LOXL2: variants seen among roughly 807,000 people sequenced by gnomAD.
LOXL2 encodes lysyl oxidase homolog 2.
In LOXL2, 70 loss-of-function variants were observed where a neutral mutation model predicts 93.0. The ratio of observed to expected loss-of-function variants is 0.75; its 90% CI spans 0.62 to 0.92. The LOEUF (loss-of-function observed/expected upper bound fraction) is 0.92. Ranked by LOEUF, LOXL2 falls within the 40% of genes least tolerant of loss-of-function variation. The probability of loss-of-function intolerance (pLI) is 0.00; values close to 1 mark genes in which losing one functional copy is unlikely to be tolerated. For missense variants in LOXL2, 973 were observed against 1,054.9 expected, an observed-to-expected ratio of 0.92 and a Z score of 1.08; for synonymous variants, 438 against 413.2, an observed-to-expected ratio of 1.06 and a Z score of -0.73.
intron 6 of LOXL2, among the ~76,000 whole-genome samples, chr8:23,324,189 C>T (rs544381683): frequency 7.9e-5 from 12 of 152,370 alleles, no homozygotes; most frequent in African/African-American, 2.6e-4. Context: ...TAGCATGCTT[C>T]AGACTCAACT....
intron 6 of LOXL2, among the ~76,000 whole-genome samples, chr8:23,327,485 T>C (rs1463491554): frequency 2.0e-5 from 3 of 152,156 alleles, no homozygotes; most frequent in Non-Finnish European, 4.4e-5. Context: ...CGCTTGTCTG[T>C]AGCCTATTCT....
chr8:23,363,420 C>T lies in LOXL2; in HGVS notation c.356-3155G>A, dbSNP rs558015423. 3.3e-5 allele frequency: 5 copies of T among 152,280 alleles called. No homozygotes were observed. In the South Asian group the frequency reaches 1.0e-3, roughly 32 times the overall value. The allele number at this position is 152,280 out of a possible 1,614,324, so 9.4% of individuals were successfully genotyped here. The stretch of plus-strand genomic sequence containing the variant: ...TGGCTTCTCATTTTGGCCCGGTTTC[C>T]AAGCAGTCAAGCTCCACTGAAACAT... On this transcript the variant is annotated intron_variant, in intron 2 of 13. Transcript: ENST00000389131.
intron 3 of LOXL2, among the ~76,000 whole-genome samples, chr8:23,358,336 C>T (rs1340265905): frequency 6.6e-6 from 1 of 152,216 alleles, no homozygotes; most frequent in Admixed American, 6.5e-5. Flanking sequence ...CAGGGTTGGG[C>T]AAATTCCCAG....
chr8:23,333,489 T>C lies in LOXL2; in HGVS notation c.878A>G (p.Asn293Ser). ...ACAACTCACCACGGCCGGTAGCCCA[T>C]TCTCGCAGGTGACATTCTTCATGGG... The part of the protein sequence containing the change: ...LDPMKNVTCE[N>S]GLPAVVSCVP... Residue 293 changes from asparagine (N) to serine (S), a missense_variant, in exon 5 of 14, where the codon AAT (asparagine) becomes AGT (serine). Transcript: ENST00000389131. 6.2e-7 allele frequency: 1 copy of C among 1,613,996 alleles called. No individual in the cohort carries two copies. Among genetic ancestry groups the C allele is most frequent in the Non-Finnish European group, 8.5e-7 (1 of 1,180,028 alleles).
At chr8:23,359,193 T>C (rs895998520) in intron 3 of LOXL2, among the ~76,000 whole-genome samples, 1 of 152,100 alleles carries the variant, frequency 6.6e-6, no homozygotes, top group African/African-American at 2.4e-5. Flanking sequence ...CTCAGCTACA[T>C]TGGCCAGTGG....
intron 1 of LOXL2, among the ~76,000 whole-genome samples, chr8:23,385,244 C>CTTTTTTTT (rs67050683): frequency 7.5e-6 from 1 of 132,782 alleles, no homozygotes. Context: ...GATTTTTTTT[C>CTTTTTTTT]TTTTTTTTTT....
chr8:23,301,034 C>A (rs1803121942), intron 12 of LOXL2, among the ~76,000 whole-genome samples: 1 of 152,216 alleles, frequency 6.6e-6, no homozygotes, highest in Non-Finnish European at 1.5e-5. Flanking sequence ...CTCTGAAAGC[C>A]CCTCTGTGGT....
rs74991438 is a variant in LOXL2, at chr8:23,305,306, T to G, written c.1881-1909A>C. Among the ~76,000 whole-genome samples, 508 of 152,370 alleles carry G rather than the reference T, an allele frequency of 3.3e-3. 3 individuals carry two copies. Among genetic ancestry groups the G allele is most frequent in the African/African-American group, 0.012 (494 of 41,592 alleles). On this transcript the variant is annotated intron_variant, in intron 10 of 13. Transcript: ENST00000389131. Reference sequence around the variant, plus strand: ...GATGACCCCGTCCCACTGCTGGGCTTCCTGCAGACTTGATTTAAATCTTCC... The same window carrying G: ...GATGACCCCGTCCCACTGCTGGGCTGCCTGCAGACTTGATTTAAATCTTCC...
intron 3 of LOXL2, among the ~76,000 whole-genome samples, chr8:23,350,502 G>T (rs59975747): frequency 2.6e-5 from 4 of 151,760 alleles, no homozygotes; most frequent in Admixed American, 1.3e-4. Context: ...CCCAGGAGGC[G>T]GAGGTTGCAG....
intron 3 of LOXL2, among the ~76,000 whole-genome samples, chr8:23,342,532 C>T (rs1441865298): frequency 6.6e-6 from 1 of 150,904 alleles, no homozygotes; most frequent in Non-Finnish European, 1.5e-5. Context: ...CCCGGGTTCA[C>T]GCCATTCTCC....
At chr8:23,399,073 T>G (rs1285120195) in intron 1 of LOXL2, among the ~76,000 whole-genome samples, 1 of 152,230 alleles carries the variant, frequency 6.6e-6, no homozygotes, top group Non-Finnish European at 1.5e-5. Context: ...TTGCTCTGGT[T>G]GCATCTCTGT....
intron 1 of LOXL2, among the ~76,000 whole-genome samples, chr8:23,373,348 C>T (rs1804532353): frequency 6.6e-6 from 1 of 152,118 alleles, no homozygotes; most frequent in South Asian, 2.1e-4. Context: ...TCCTCTTCTA[C>T]ACTGCCTGGC....
chr8:23,366,423 T>C (rs1475155972), intron 2 of LOXL2, among the ~76,000 whole-genome samples: 1 of 152,202 alleles, frequency 6.6e-6, no homozygotes, highest in Non-Finnish European at 1.5e-5. Context: ...GAGATGTGTA[T>C]GAGATGGGAC....
Position 23,309,825 on chromosome 8 carries a change from T to C in LOXL2, c.1723A>G (p.Met575Val). ...GAGGCCGAGAGGCAGTTCTCCTCCA[T>C]GGCACACTGCAGCATGAACATGGGC... ...DRPMFMLQCA[M>V]EENCLSASAA... The change falls in exon 10 of 14, where the codon ATG becomes GTG. Residue 575 changes from methionine to valine, a missense_variant. Met to Val is a conservative substitution (Grantham distance 21). Coordinates refer to ENST00000389131, the MANE Select transcript of LOXL2 (RefSeq NM_002318.3). 3 of 1,602,548 alleles carry C rather than the reference T, an allele frequency of 1.9e-6. No homozygotes were observed. Among genetic ancestry groups the C allele is most frequent in the South Asian group, 1.1e-5 (1 of 88,882 alleles).
intron 3 of LOXL2, among the ~76,000 whole-genome samples, chr8:23,351,765 C>T (rs186669412): frequency 5.3e-5 from 8 of 152,242 alleles, no homozygotes; most frequent in African/African-American, 1.7e-4. Context: ...TTGTGTGTCC[C>T]TTTTGGTAGC....
At chr8:23,383,490 T>C (rs903276867) in intron 1 of LOXL2, among the ~76,000 whole-genome samples, 1 of 152,092 alleles carries the variant, frequency 6.6e-6, no homozygotes, top group African/African-American at 2.4e-5. Flanking sequence ...TAAATATAAA[T>C]TTCTATTCCA....
chr8:23,368,553 A>C, intron 1 of LOXL2, 119 bp from the exon 2 acceptor site: 1 of 594,148 alleles, frequency 1.7e-6, no homozygotes, highest in East Asian at 2.8e-5. Context: ...CTCGACGCCA[A>C]TCCAGCCCCA....
chr8:23,397,610 C>T (rs752058328), intron 1 of LOXL2, among the ~76,000 whole-genome samples: 9 of 151,998 alleles, frequency 5.9e-5, no homozygotes, highest in Non-Finnish European at 1.2e-4. Context: ...AACCCTGTAT[C>T]TACTAAAAAT....
intron 3 of LOXL2, among the ~76,000 whole-genome samples, chr8:23,347,525 C>A (rs1286607514): frequency 6.6e-6 from 1 of 152,068 alleles, no homozygotes; most frequent in African/African-American, 2.4e-5. Context: ...AGCCAGACAT[C>A]TGTAATCCCA....
Sources: gnomAD v4.1 joint callset for allele counts (sites outside exome capture counted in the v4.1 genomes callset) on GRCh38, gnomAD v4.1.1 for gene constraint, MANE v1.5 for transcripts, NCBI Gene and HGNC (gene_info 2026-07-23, HGNC 2026-07-21) for gene names.